The following SPPL3 variants were observed in gnomAD, a reference collection of about 807,000 sequenced individuals.
The protein encoded by SPPL3 is signal peptide peptidase-like 3.
A neutral mutation model predicts 42.4 loss-of-function variants in SPPL3; 5 were observed. The ratio of observed to expected loss-of-function variants is 0.12; its 90% CI spans 0.06 to 0.25. SPPL3 has a LOEUF of 0.25. Ranked by LOEUF, SPPL3 falls within the 10% of genes least tolerant of loss-of-function variation. The pLI, the probability that SPPL3 is intolerant of heterozygous loss-of-function variation, is 1.00. For missense variants in SPPL3, 235 were observed against 489.0 expected, an observed-to-expected ratio of 0.48 and a Z score of 4.90; for synonymous variants, 195 against 181.8, an observed-to-expected ratio of 1.07 and a Z score of -0.58.
intron 10 of SPPL3, among the ~76,000 whole-genome samples, chr12:120,765,558 G>A (rs1222110601): frequency 3.3e-5 from 5 of 152,160 alleles, no homozygotes; most frequent in East Asian, 3.8e-4. Flanking sequence ...GGTTACAGGC[G>A]TGAGCCACCA....
intron 1 of SPPL3, among the ~76,000 whole-genome samples, chr12:120,899,750 G>C (rs771612308): frequency 1.3e-5 from 2 of 151,722 alleles, no homozygotes; most frequent in African/African-American, 4.8e-5. Flanking sequence ...AAAATTAGCC[G>C]GGCATGGTGG....
intron 6 of SPPL3, among the ~76,000 whole-genome samples, chr12:120,779,818 T>C (rs371891653): frequency 9.4e-4 from 2 of 2,134 alleles, no homozygotes; most frequent in Non-Finnish European, 1.7e-3. Context: ...CTACTAAAAA[T>C]ACAAAAAAAA....
chr12:120,799,394 G>GA (rs1870213628), intron 2 of SPPL3, among the ~76,000 whole-genome samples: 1 of 152,204 alleles, frequency 6.6e-6, no homozygotes, highest in African/African-American at 2.4e-5. Context: ...TCATGAAGTG[G>GA]AAAAATCTTA....
chr12:120,844,297 G>A (rs1871943827), intron 1 of SPPL3, among the ~76,000 whole-genome samples: 1 of 152,060 alleles, frequency 6.6e-6, no homozygotes, highest in Non-Finnish European at 1.5e-5. Flanking sequence ...CTGTTTCCCC[G>A]TTATTAGCAC....
chr12:120,770,483 C>A (rs565663921), intron 6 of SPPL3, among the ~76,000 whole-genome samples: 3 of 152,266 alleles, frequency 2.0e-5, no homozygotes, highest in African/African-American at 7.2e-5. Flanking sequence ...GGCTTTCATC[C>A]CTGCTACTCC....
intron 1 of SPPL3, among the ~76,000 whole-genome samples, chr12:120,894,737 G>C (rs1199792982): frequency 6.6e-6 from 1 of 151,996 alleles, no homozygotes; most frequent in Non-Finnish European, 1.5e-5. Context: ...CCTGAGGTCG[G>C]GAGTTCAAGA....
At chr12:120,783,575 C>T in intron 5 of SPPL3, 99 bp downstream of exon 5, 1 of 1,138,730 alleles carries the variant, frequency 8.8e-7, no homozygotes. Flanking sequence ...TTCTGTGCTC[C>T]AGCCAATAAC....
intron 2 of SPPL3, among the ~76,000 whole-genome samples, chr12:120,801,171 G>C (rs538104881): frequency 6.6e-6 from 1 of 152,354 alleles, no homozygotes; most frequent in South Asian, 2.1e-4. Context: ...ACACAGGAAA[G>C]ATTAATTGAG....
intron 1 of SPPL3, among the ~76,000 whole-genome samples, chr12:120,880,825 A>T (rs1873255961): frequency 6.6e-6 from 1 of 151,920 alleles, no homozygotes; most frequent in Non-Finnish European, 1.5e-5. Context: ...TATAACTGAT[A>T]AGGGATTGAT....
At chr12:120,850,753 C>T (rs1872195640) in intron 1 of SPPL3, among the ~76,000 whole-genome samples, 2 of 152,208 alleles carry the variant, frequency 1.3e-5, no homozygotes, top group South Asian at 4.1e-4. Flanking sequence ...GGCTGGTTCC[C>T]TGTGAGGGCT....
chr12:120,839,966 G>C (rs968261444), intron 1 of SPPL3, among the ~76,000 whole-genome samples: 10 of 152,032 alleles, frequency 6.6e-5, no homozygotes, highest in Non-Finnish European at 2.9e-5. Context: ...CCATGCAATG[G>C]AATATTTTGG....
chr12:120,841,176 T>C lies in SPPL3; in HGVS notation c.24-30290A>G, dbSNP rs143174792. 1.7e-4 allele frequency among the ~76,000 whole-genome samples: 26 copies of C among 151,568 alleles called. No homozygotes were observed. The East Asian group carries it at 5.1e-3, about 30-fold the overall frequency. On this transcript the variant is annotated intron_variant, in intron 1 of 10. Transcript: ENST00000353487. ...CCCCATCTCTACTAAAAATACAAAATTAGCCAGGTGTGGTGGTGCATGCCT... is the reference window on the plus strand; with the variant it reads ...CCCCATCTCTACTAAAAATACAAAACTAGCCAGGTGTGGTGGTGCATGCCT...
intron 1 of SPPL3, among the ~76,000 whole-genome samples, chr12:120,836,929 A>G (rs1478905698): frequency 6.6e-6 from 1 of 152,200 alleles, no homozygotes; most frequent in Non-Finnish European, 1.5e-5. Flanking sequence ...TGTTGTTAAG[A>G]GTTTTACAAA....
At chr12:120,786,241 T>A (rs1869717314) in intron 3 of SPPL3, among the ~76,000 whole-genome samples, 1 of 152,166 alleles carries the variant, frequency 6.6e-6, no homozygotes, top group East Asian at 1.9e-4. Context: ...GTCAAATCCA[T>A]TCAGCTTGGC....
intron 1 of SPPL3, among the ~76,000 whole-genome samples, chr12:120,899,053 G>C (rs1209571203): frequency 6.6e-6 from 1 of 152,160 alleles, no homozygotes; most frequent in Admixed American, 6.5e-5. Context: ...AGGAAGAAAG[G>C]TGTTTTTCTC....
intron 2 of SPPL3, 125 bp downstream of exon 2, chr12:120,810,684 T>C (rs1483685326): frequency 1.4e-6 from 1 of 731,428 alleles, no homozygotes; most frequent in Non-Finnish European, 2.4e-6. Flanking sequence ...AACTCTCTAT[T>C]CTGAGTCAAA....
intron 2 of SPPL3, among the ~76,000 whole-genome samples, chr12:120,808,449 T>C (rs1444040390): frequency 6.6e-6 from 1 of 152,216 alleles, no homozygotes; most frequent in African/African-American, 2.4e-5. Flanking sequence ...GATACACTTA[T>C]TACATAAAAT....
chr12:120,788,517 T>A (rs1345903710), intron 3 of SPPL3, among the ~76,000 whole-genome samples: 1 of 152,196 alleles, frequency 6.6e-6, no homozygotes, highest in Non-Finnish European at 1.5e-5. Context: ...GAGTCTCACT[T>A]AATGCTTCTC....
rs577174407 is a variant in SPPL3 at position 120,858,683 on chromosome 12, C to T, written c.23+45162G>A. Among the ~76,000 whole-genome samples the T allele has an allele frequency of 1.6e-4, 24 of 152,044 alleles. No homozygotes were observed. In the South Asian group the frequency reaches 1.9e-3, roughly 12 times the overall value. On this transcript the variant is annotated intron_variant, in intron 1 of 10. Transcript: ENST00000353487. ...AGAAAGGGATAAAAAGATTAGAGAG[C>T]GGCAATCTATAGAAAAACAGGCAAA...
Sources: allele counts gnomAD v4.1 joint callset (sites outside exome capture counted in the v4.1 genomes callset), GRCh38; gene constraint gnomAD v4.1.1; transcripts MANE v1.5; gene names NCBI Gene and HGNC (gene_info 2026-07-23, HGNC 2026-07-21).